FRMD4B: variants seen among roughly 807,000 people sequenced by gnomAD.
FRMD4B encodes FERM domain-containing protein 4B.
Under a neutral mutation model 141.5 loss-of-function variants are expected in FRMD4B, and 74 were observed. The observed-to-expected ratio is 0.52, with a 90% CI of 0.43 to 0.63. FRMD4B has a LOEUF of 0.63. Ranked by LOEUF, FRMD4B falls within the 30% of genes least tolerant of loss-of-function variation. The pLI is 0.00. For missense variants in FRMD4B, 1,366 were observed against 1,253.4 expected (o/e 1.09, Z -1.36); for synonymous variants, 506 against 467.9 (o/e 1.08, Z -1.05).
chr3:69,224,584 C>A (rs764876141), intron 8 of FRMD4B, 23 bp downstream of exon 8: 30 of 1,145,924 alleles, frequency 2.6e-5, no homozygotes, highest in Admixed American at 1.8e-4. Flanking sequence ...AAATGAGACA[C>A]CTGTTATGTG....
chr3:69,312,172 C>A (rs781103298), intron 2 of FRMD4B, among the ~76,000 whole-genome samples: 1 of 152,134 alleles, frequency 6.6e-6, no homozygotes, highest in Non-Finnish European at 1.5e-5. Context: ...GGCTTGGAAC[C>A]AGCCAGAATG....
At chr3:69,395,220 A>G (rs1704454610) in intron 2 of FRMD4B, among the ~76,000 whole-genome samples, 1 of 152,184 alleles carries the variant, frequency 6.6e-6, no homozygotes, top group Admixed American at 6.5e-5. Context: ...GAAAAAAAGA[A>G]AATCTATAAT....
chr3:69,240,760 G>A (rs1430364896), intron 7 of FRMD4B, among the ~76,000 whole-genome samples: 2 of 152,148 alleles, frequency 1.3e-5, no homozygotes, highest in Non-Finnish European at 2.9e-5. Context: ...ATTGTTATGT[G>A]TTATGTTATC....
At chr3:69,526,723 G>A (rs776230229) in intron 1 of FRMD4B, among the ~76,000 whole-genome samples, 1 of 152,058 alleles carries the variant, frequency 6.6e-6, no homozygotes. Context: ...ACACTGTCCC[G>A]AGAACATAAC....
chr3:69,334,975 G>A (rs1286508532), intron 1 of FRMD4B, among the ~76,000 whole-genome samples: 1 of 152,146 alleles, frequency 6.6e-6, no homozygotes, highest in Non-Finnish European at 1.5e-5. Flanking sequence ...CTAATGTGAT[G>A]GGGAGAGTTG....
chr3:69,474,072 G>A (rs1329158661), intron 1 of FRMD4B, among the ~76,000 whole-genome samples: 1 of 152,162 alleles, frequency 6.6e-6, no homozygotes, highest in South Asian at 2.1e-4. Flanking sequence ...ATGCCCAAGG[G>A]ATGGTAAAGC....
At chr3:69,194,757 C>G (rs2092880197) in intron 16 of FRMD4B, among the ~76,000 whole-genome samples, 1 of 152,136 alleles carries the variant, frequency 6.6e-6, no homozygotes, top group Non-Finnish European at 1.5e-5. Context: ...TGCTGGAGTT[C>G]TTAATTCTTA....
intron 1 of FRMD4B, among the ~76,000 whole-genome samples, chr3:69,345,522 C>T (rs559048191): frequency 7.2e-5 from 11 of 152,292 alleles, no homozygotes; most frequent in African/African-American, 2.2e-4. Flanking sequence ...GATCTGAGAA[C>T]GGACAGACTG....
At chr3:69,212,393 GAAAAAAA>G (rs1416827018) in intron 11 of FRMD4B, among the ~76,000 whole-genome samples, 1 of 77,766 alleles carries the variant, frequency 1.3e-5, no homozygotes, top group African/African-American at 4.6e-5. Flanking sequence ...AAAAAAAAAA[GAAAAAAA>G]AGAAAAAAAG....
At chr3:69,308,830 C>T (rs1359149692) in intron 3 of FRMD4B, among the ~76,000 whole-genome samples, 1 of 152,072 alleles carries the variant, frequency 6.6e-6, no homozygotes, top group Non-Finnish European at 1.5e-5. Flanking sequence ...TAATGTCTCC[C>T]CAAATTTTTG....
chr3:69,352,627 T>C (rs1326362743), intron 1 of FRMD4B, among the ~76,000 whole-genome samples: 1 of 152,090 alleles, frequency 6.6e-6, no homozygotes, highest in African/African-American at 2.4e-5. Context: ...ACTTAATGAG[T>C]TTGCCATAAC....
At chr3:69,504,699 C>T (rs902924923) in intron 1 of FRMD4B, among the ~76,000 whole-genome samples, 2 of 152,128 alleles carry the variant, frequency 1.3e-5, no homozygotes, top group African/African-American at 4.8e-5. Context: ...TTTTATTTAT[C>T]CATTCATCAG....
chr3:69,314,856 T>G (rs1701752618), intron 1 of FRMD4B, among the ~76,000 whole-genome samples: 1 of 151,926 alleles, frequency 6.6e-6, no homozygotes, highest in South Asian at 2.1e-4. Flanking sequence ...AAAAAAAGTA[T>G]TTATTCATTG....
intron 1 of FRMD4B, among the ~76,000 whole-genome samples, chr3:69,506,120 G>A (rs1333065812): frequency 6.6e-6 from 1 of 152,050 alleles, no homozygotes; most frequent in East Asian, 1.9e-4. Flanking sequence ...CAACAAAGGT[G>A]GTTAAAAATA....
intron 1 of FRMD4B, among the ~76,000 whole-genome samples, chr3:69,368,515 C>G (rs953427289): frequency 6.6e-5 from 10 of 152,200 alleles, no homozygotes; most frequent in East Asian, 5.8e-4. Context: ...TGCCTACCCC[C>G]CTTGTCGTTC....
chr3:69,357,182 G>A (rs1173387293), intron 1 of FRMD4B, among the ~76,000 whole-genome samples: 1 of 152,150 alleles, frequency 6.6e-6, no homozygotes, highest in African/African-American at 2.4e-5. Flanking sequence ...CAGTAGTAGG[G>A]TATCAGATAG....
chr3:69,194,642 C>A (rs2092878820), intron 16 of FRMD4B, among the ~76,000 whole-genome samples: 1 of 152,122 alleles, frequency 6.6e-6, no homozygotes, highest in South Asian at 2.1e-4. Context: ...CCAATCATTA[C>A]CCCCATTTTA....
chr3:69,281,098 T>C (rs1280593845), intron 5 of FRMD4B, among the ~76,000 whole-genome samples: 3 of 151,988 alleles, frequency 2.0e-5, no homozygotes, highest in African/African-American at 4.8e-5. Flanking sequence ...GCCCGGCTAA[T>C]GTTTTTTGTA....
At chr3:69,500,220 G>A (rs1286207085) in intron 1 of FRMD4B, among the ~76,000 whole-genome samples, 1 of 152,246 alleles carries the variant, frequency 6.6e-6, no homozygotes, top group Non-Finnish European at 1.5e-5. Context: ...CTTCAGACAA[G>A]AGACTAAGGT....
Sources: gnomAD v4.1 joint callset for allele counts (sites outside exome capture counted in the v4.1 genomes callset) on GRCh38, gnomAD v4.1.1 for gene constraint, MANE v1.5 for transcripts, NCBI Gene and HGNC (gene_info 2026-07-23, HGNC 2026-07-21) for gene names.